Variants in GPC6 observed in about 807,000 individuals in gnomAD.
GPC6 encodes the protein glypican 6.
A neutral mutation model predicts 55.2 loss-of-function variants in GPC6; 14 were observed. The observed-to-expected ratio is 0.25, with a 90% CI of 0.17 to 0.40. GPC6 has a LOEUF of 0.40. GPC6 is among the 10% of genes least tolerant of loss of function. The pLI, the probability that GPC6 is intolerant of heterozygous loss-of-function variation, is 1.00. For missense variants in GPC6, 641 were observed against 708.5 expected (o/e 0.90, Z 1.08); for synonymous variants, 278 against 259.6 (o/e 1.07, Z -0.68).
At chr13:94,364,539 T>C (rs890723743) in intron 6 of GPC6, among the ~76,000 whole-genome samples, 11 of 152,222 alleles carry the variant, frequency 7.2e-5, no homozygotes, top group East Asian at 3.8e-4. Flanking sequence ...GTATGAACTT[T>C]CTTTCTCCCT....
At chr13:93,687,916 G>C (rs1882110381) in intron 2 of GPC6, among the ~76,000 whole-genome samples, 1 of 151,254 alleles carries the variant, frequency 6.6e-6, no homozygotes, top group Admixed American at 6.6e-5. Flanking sequence ...ATGAGAAAAA[G>C]TTTATTTCTC....
At chr13:93,346,596 C>A (rs182633090) in intron 1 of GPC6, among the ~76,000 whole-genome samples, 2 of 151,878 alleles carry the variant, frequency 1.3e-5, no homozygotes, top group Non-Finnish European at 2.9e-5. Flanking sequence ...TCTCTGTTGC[C>A]CCAGTGTCTA....
At chr13:93,891,472 A>G (rs1875677607) in intron 3 of GPC6, among the ~76,000 whole-genome samples, 1 of 152,130 alleles carries the variant, frequency 6.6e-6, no homozygotes, top group Non-Finnish European at 1.5e-5. Context: ...CATCAGAGAA[A>G]GATTTGCTCA....
chr13:93,366,148 T>A (rs1458956510), intron 1 of GPC6, among the ~76,000 whole-genome samples: 1 of 152,090 alleles, frequency 6.6e-6, no homozygotes, highest in East Asian at 1.9e-4. Flanking sequence ...GCTCTCTTTA[T>A]ATATCTCAGG....
chr13:93,252,766 A>C (rs941319504), intron 1 of GPC6, among the ~76,000 whole-genome samples: 1 of 152,212 alleles, frequency 6.6e-6, no homozygotes, highest in African/African-American at 2.4e-5. Flanking sequence ...CTCAATAAAT[A>C]ATTAAATACT....
chr13:94,293,989 A>G (rs895146370), intron 5 of GPC6, among the ~76,000 whole-genome samples: 1 of 152,186 alleles, frequency 6.6e-6, no homozygotes, highest in East Asian at 1.9e-4. Flanking sequence ...CAAGCTTACT[A>G]CATTCACCAA....
At chr13:93,584,399 C>A (rs1463967343) in intron 2 of GPC6, among the ~76,000 whole-genome samples, 4 of 152,098 alleles carry the variant, frequency 2.6e-5, no homozygotes, top group Non-Finnish European at 5.9e-5. Context: ...TGTAATAATT[C>A]TAGGACATCG....
At chr13:93,990,782 G>A (rs1014401379) in intron 3 of GPC6, among the ~76,000 whole-genome samples, 2 of 151,288 alleles carry the variant, frequency 1.3e-5, no homozygotes, top group Admixed American at 6.6e-5. Context: ...AGGATTCCTC[G>A]AGCCCATGAG....
intron 1 of GPC6, among the ~76,000 whole-genome samples, chr13:93,347,198 G>T (rs915896098): frequency 1.3e-5 from 2 of 152,114 alleles, no homozygotes; most frequent in East Asian, 3.9e-4. Flanking sequence ...TTCTTTAATA[G>T]TGAACTAACT....
In GPC6 at chr13:93,535,681, TA is replaced by T. The variant is rs970039110; in HGVS notation, c.161-9581del. 8.1e-5 allele frequency among the ~76,000 whole-genome samples: 11 copies of T among 135,876 alleles called. No homozygotes were observed. The South Asian group carries it at 1.1e-3, about 14-fold the overall frequency. 89.1% of individuals were successfully genotyped at this position (135,876 alleles called of 152,430 possible). ...CAGCCACCATTTGCAGATACTTTTT[TA>T]GGAAAAAAAAAAAAAAAAACCAAGC... On this transcript the variant is annotated intron_variant, in intron 1 of 8. Transcript: ENST00000377047.
intron 1 of GPC6, among the ~76,000 whole-genome samples, chr13:93,277,548 C>T (rs1291454937): frequency 6.6e-6 from 1 of 152,154 alleles, no homozygotes; most frequent in African/African-American, 2.4e-5. Flanking sequence ...TTTATTATAA[C>T]CCAATTCCTC....
chr13:94,202,482 C>T (rs911412264), intron 4 of GPC6, among the ~76,000 whole-genome samples: 2 of 152,096 alleles, frequency 1.3e-5, no homozygotes, highest in Non-Finnish European at 1.5e-5. Context: ...AAAAGGGAAA[C>T]GCCTTATAAA....
At chr13:93,894,534 G>A (rs1875880229) in intron 3 of GPC6, among the ~76,000 whole-genome samples, 1 of 152,254 alleles carries the variant, frequency 6.6e-6, no homozygotes, top group African/African-American at 2.4e-5. Flanking sequence ...TGTATGCTAT[G>A]TATTTATGGA....
At position 93,349,560 on chromosome 13, in the gene GPC6, A is replaced by C. The variant is rs531478486; in HGVS notation, c.160+121944A>C. Among the ~76,000 whole-genome samples, 66 of 152,264 alleles carry C rather than the reference A, an allele frequency of 4.3e-4. 1 individual carries two copies. Among genetic ancestry groups the C allele is most frequent in the African/African-American group, 1.4e-3 (58 of 41,550 alleles). The stretch of plus-strand genomic sequence containing the variant: ...GTAGGCTGATACATCCGATCTGGAG[A>C]TATACCAAAGTTTAAAACTTTTAAG... On this transcript the variant is annotated intron_variant, in intron 1 of 8. Transcript: ENST00000377047.
At chr13:93,683,666 T>G (rs571850478) in intron 2 of GPC6, among the ~76,000 whole-genome samples, 17 of 152,352 alleles carry the variant, frequency 1.1e-4, no homozygotes, top group African/African-American at 4.1e-4. Flanking sequence ...TTTTATTTAC[T>G]CAGTTAAGCT....
At position 94,403,646 on chromosome 13, in the gene GPC6, A is replaced by G. The variant is rs1327907136; in HGVS notation, c.*429A>G. ...CTACATTTTCAACAAAAAAGCAAAC[A>G]GAGAAAAATAAATGAACTTTAACAC... On this transcript the variant is annotated 3_prime_UTR_variant, in exon 9 of 9. Coordinates refer to ENST00000377047, the MANE Select transcript of GPC6 (RefSeq NM_005708.5). 3.5e-5 allele frequency: 8 copies of G among 230,550 alleles called. No individual in the cohort carries two copies. The highest frequency in any genetic ancestry group is 6.3e-5 in the South Asian group (1 of 15,960). The allele number at this position is 230,550 out of a possible 1,614,324, so 14.3% of individuals were successfully genotyped here. A position where few individuals can be genotyped will look rare whatever the true frequency, so the allele number is the denominator to read the frequency against.
chr13:94,222,930 C>G (rs2139003293), intron 4 of GPC6, among the ~76,000 whole-genome samples: 1 of 152,176 alleles, frequency 6.6e-6, no homozygotes, highest in East Asian at 1.9e-4. Flanking sequence ...CAGGTTAAAG[C>G]TCCCATCTTC....
chr13:93,270,154 T>C (rs1016638918), intron 1 of GPC6, among the ~76,000 whole-genome samples: 4 of 150,782 alleles, frequency 2.7e-5, no homozygotes, highest in African/African-American at 7.3e-5. Flanking sequence ...GGAGGCTCAA[T>C]TGGGAGGATT....
At chr13:93,461,997 C>A (rs765912499) in intron 1 of GPC6, among the ~76,000 whole-genome samples, 1 of 152,076 alleles carries the variant, frequency 6.6e-6, no homozygotes, top group African/African-American at 2.4e-5. Flanking sequence ...TATATCTCAT[C>A]CAACCCACAA....
Sources: allele counts gnomAD v4.1 joint callset (sites outside exome capture counted in the v4.1 genomes callset), GRCh38; gene constraint gnomAD v4.1.1; transcripts MANE v1.5; gene names NCBI Gene and HGNC (gene_info 2026-07-23, HGNC 2026-07-21).